The following SCAF11 variants were observed in gnomAD, a reference collection of about 807,000 sequenced individuals.
SCAF11 encodes the protein protein SCAF11.
SCAF11 carries 47 observed loss-of-function variants against 140.5 expected under a neutral mutation model. The ratio of observed to expected loss-of-function variants is 0.33; its 90% CI spans 0.26 to 0.43. The LOEUF (loss-of-function observed/expected upper bound fraction) is 0.43, where lower values mean the gene tolerates loss of function less well. Among genes scored for constraint, SCAF11 ranks in the 20% least tolerant of loss-of-function variants. SCAF11 has a pLI of 1.00. For synonymous variants in SCAF11, 557 were observed against 579.4 expected (o/e 0.96, Z 0.55); for missense variants, 1,645 against 1,705.1 (o/e 0.96, Z 0.62).
intron 12 of SCAF11, 72 bp downstream of exon 12, chr12:45,924,656 T>G (rs1277079289): frequency 1.6e-6 from 2 of 1,265,514 alleles, no homozygotes; most frequent in Admixed American, 2.3e-5. Flanking sequence ...TGCCTTTTTT[T>G]GAACATCTGT....
In SCAF11 at chr12:45,951,935, A is replaced by T. The variant is rs79208857; in HGVS notation, c.220-208T>A. Among the ~76,000 whole-genome samples the T allele has an allele frequency of 2.7e-3, 416 of 152,312 alleles. 3 individuals carry two copies. Among genetic ancestry groups the T allele is most frequent in the African/African-American group, 9.4e-3 (391 of 41,578 alleles). On this transcript the variant is annotated intron_variant, in intron 3 of 14. Coordinates refer to ENST00000369367, the MANE Select transcript of SCAF11 (RefSeq NM_004719.3). ...GTTGGAATACAATGATGAACGAGAC[A>T]GAATCTGTTATTAAAATCCCATTAA... is the stretch of plus-strand genomic sequence containing the variant.
intron 1 of SCAF11, chr12:45,975,824 T>C (rs1946220418): frequency 6.6e-6 from 1 of 152,148 alleles, no homozygotes; most frequent in Non-Finnish European, 1.5e-5. Context: ...AAACATAAGT[T>C]ACCTGTCTTA....
At chr12:45,948,681 A>G in intron 4 of SCAF11, 144 bp from the exon 5 acceptor site, 1 of 598,164 alleles carries the variant, frequency 1.7e-6, no homozygotes, top group Non-Finnish European at 2.9e-6. Context: ...TATTCATTCA[A>G]GCATGCTAAA....
chr12:45,957,117 A>G (rs1945708630), intron 3 of SCAF11, among the ~76,000 whole-genome samples: 1 of 152,226 alleles, frequency 6.6e-6, no homozygotes, highest in Admixed American at 6.5e-5. Context: ...AATACTTTAT[A>G]AATTATAAAT....
At chr12:45,925,205 A>G (rs1944830549) in intron 11 of SCAF11, 131 bp from the exon 12 acceptor site, 2 of 640,472 alleles carry the variant, frequency 3.1e-6, no homozygotes, top group Admixed American at 5.9e-5. Context: ...CCAATCTCCA[A>G]TTGCTTAATT....
intron 1 of SCAF11, chr12:45,974,461 T>G (rs1334720876): frequency 3.4e-6 from 1 of 297,544 alleles, no homozygotes; most frequent in Admixed American, 4.1e-5. Flanking sequence ...AAATTGGAGT[T>G]AATCCTCTCA....
At chr12:45,974,488 T>C (rs1946186768) in intron 1 of SCAF11, 2 of 263,474 alleles carry the variant, frequency 7.6e-6, no homozygotes, top group Non-Finnish European at 1.6e-5. Flanking sequence ...GCCACTGTGT[T>C]ATCAACTAAG....
intron 5 of SCAF11, among the ~76,000 whole-genome samples, chr12:45,946,980 G>C (rs1945436723): frequency 6.6e-6 from 1 of 152,116 alleles, no homozygotes; most frequent in Non-Finnish European, 1.5e-5. Flanking sequence ...CATTCTTAAA[G>C]AATGCCATAA....
rs73292563 is a variant in SCAF11, at chr12:45,927,919, T to C, written c.1782A>G (p.Glu594=). The change falls in exon 11 of 15, where the codon GAA becomes GAG. Residue 594 remains glutamate (E), a synonymous_variant. Transcript: ENST00000369367. ...CTGTTTTTAGTGTAAAATCTTTATG[T>C]TCAGTAATTTCTACTAGGGAACTCT... ...ITESSLVEIT[E]HKDFTLKTEE... is the part of the protein sequence containing the mutation. 2,204 of 1,612,932 alleles carry C rather than the reference T, an allele frequency of 1.4e-3. 26 individuals are homozygous for C. The African/African-American group carries it at 0.026, about 19-fold the overall frequency.
At position 45,948,492 on chromosome 12, in the gene SCAF11, C is replaced by T; in HGVS notation, c.343G>A (p.Glu115Lys). 1 of 1,611,812 alleles carries T rather than the reference C, an allele frequency of 6.2e-7. No homozygotes were observed. The highest frequency in any genetic ancestry group is 8.5e-7 in the Non-Finnish European group (1 of 1,179,210). The change falls in exon 5 of 15, where the codon GAA becomes AAA. Residue 115 changes from glutamate (E) to lysine (K), a missense_variant. By Grantham distance (56) the Glu-to-Lys change is moderately conservative (BLOSUM62 1). This residue lies in a region of SCAF11 where 1,582 missense variants were observed against 1,609.2 expected (regional missense o/e 0.98). Transcript: ENST00000369367. The stretch of plus-strand genomic sequence containing the variant: ...GAGACCTGTTTCTCAAATGAGTTTT[C>T]ATTTTTCTTGTCTTTTGTTTCTCTC... ...QLRETKDKKN[E>K]NSFEKQVSCH...
chr12:45,972,575 C>T lies in SCAF11; in HGVS notation c.-21-8387G>A, dbSNP rs533671200. Reference sequence around the variant, plus strand: ...CTTCAGCCTGGATGCGACAGCAAAACCCTGTCTCTTAAAAAAAAAAAAAAA... The same window carrying T: ...CTTCAGCCTGGATGCGACAGCAAAATCCTGTCTCTTAAAAAAAAAAAAAAA... On this transcript the variant is annotated intron_variant, in intron 1 of 14. Transcript: ENST00000369367. 1.8e-4 allele frequency among the ~76,000 whole-genome samples: 25 copies of T among 135,146 alleles called. 1 individual carries two copies. The South Asian group carries it at 6.0e-3, about 32-fold the overall frequency. 88.7% of individuals were successfully genotyped at this position (135,146 alleles called of 152,430 possible). A position where few individuals can be genotyped will look rare whatever the true frequency, so the allele number is the denominator to read the frequency against.
intron 1 of SCAF11, chr12:45,974,341 T>C (rs1458527122): frequency 2.5e-6 from 1 of 404,494 alleles, no homozygotes; most frequent in Non-Finnish European, 5.0e-6. Context: ...GGCAATTCCT[T>C]AAAATGAGAT....
chr12:45,990,165 C>A (rs1390777246), intron 1 of SCAF11, among the ~76,000 whole-genome samples, 188 bp downstream of exon 1: 1 of 152,106 alleles, frequency 6.6e-6, no homozygotes, highest in Non-Finnish European at 1.5e-5. Context: ...GCAGCCTCCC[C>A]CACTTCGAGA....
In SCAF11 at chr12:45,961,818, A is replaced by C; in HGVS notation, c.101T>G (p.Leu34Trp). 6.2e-7 allele frequency: 1 copy of C among 1,611,380 alleles called. No individual in the cohort carries two copies. Among genetic ancestry groups the C allele is most frequent in the Non-Finnish European group, 8.5e-7 (1 of 1,178,828 alleles). The change falls in exon 3 of 15, where the codon TTG (leucine) becomes TGG (tryptophan). Residue 34 changes from leucine to tryptophan, a missense_variant. This residue lies in a region of SCAF11 where 1,582 missense variants were observed against 1,609.2 expected (regional missense o/e 0.98). Transcript: ENST00000369367. ...NGDNTISTGL[L>W]YSEADRCPIC... ...TGGGCATCTGTCAGCCTCACTGTAC[A>C]ACAGACCAGTGGAAATAGTATTATC...
intron 1 of SCAF11, among the ~76,000 whole-genome samples, chr12:45,986,045 GT>G (rs1156339548): frequency 6.6e-6 from 1 of 152,084 alleles, no homozygotes; most frequent in African/African-American, 2.4e-5. Flanking sequence ...TTCCAGCAAA[GT>G]TTTTTAAATG....
intron 1 of SCAF11, among the ~76,000 whole-genome samples, chr12:45,980,936 C>T (rs1946334922): frequency 6.6e-6 from 1 of 152,122 alleles, no homozygotes; most frequent in African/African-American, 2.4e-5. Flanking sequence ...TACTAGTTAT[C>T]AATGTCTTAG....
chr12:45,976,362 T>C (rs1429006837), intron 1 of SCAF11, among the ~76,000 whole-genome samples: 1 of 152,188 alleles, frequency 6.6e-6, no homozygotes, highest in Non-Finnish European at 1.5e-5. Flanking sequence ...TAACTTTTAT[T>C]ACAGTATATT....
chr12:45,982,568 A>AGG (rs1209414933), intron 1 of SCAF11, among the ~76,000 whole-genome samples: 3 of 152,090 alleles, frequency 2.0e-5, no homozygotes, highest in Non-Finnish European at 4.4e-5. Flanking sequence ...AGCCGGGTGT[A>AGG]GTGGTACACG....
At chr12:45,928,940 A>G (rs1944972734) in intron 10 of SCAF11, 81 bp from the exon 11 acceptor site, 2 of 824,726 alleles carry the variant, frequency 2.4e-6, no homozygotes, top group Non-Finnish European at 1.7e-6. Flanking sequence ...TTTTAGCATA[A>G]AATAGTCTGC....
Sources: allele counts gnomAD v4.1 joint callset (sites outside exome capture counted in the v4.1 genomes callset), GRCh38; gene constraint gnomAD v4.1.1; regional missense constraint gnomAD v4.1.1; transcripts MANE v1.5; gene names NCBI Gene and HGNC (gene_info 2026-07-23, HGNC 2026-07-21).